The following KALRN variants were observed in gnomAD, a reference collection of about 807,000 sequenced individuals.
KALRN encodes the protein kalirin RhoGEF kinase, also known as kalirin.
A neutral mutation model predicts 353.7 loss-of-function variants in KALRN; 70 were observed. The observed-to-expected ratio is 0.20, with a 90% CI of 0.16 to 0.24. The LOEUF is 0.24. KALRN is among the 10% of genes least tolerant of loss of function. The pLI is 1.00. For synonymous variants in KALRN, 1,391 were observed against 1,434.8 expected (o/e 0.97, Z 0.69); for missense variants, 2,791 against 3,756.7 (o/e 0.74, Z 6.72).
rs539926530 is a variant in KALRN at position 124,713,236 on chromosome 3, A to G, written c.8276+101A>G. On this transcript the variant is annotated intron_variant, in intron 58 of 59. Coordinates refer to ENST00000682506, the MANE Select transcript of KALRN (RefSeq NM_001388419.1). ...ACAGTTACATTTTATACAAGGTCCT[A>G]TCATTTGCAAAGTGCTGCATATAAC... The G allele has an allele frequency of 1.4e-5, 14 of 992,928 alleles. No individual in the cohort carries two copies. The African/African-American group carries it at 2.1e-4, about 15-fold the overall frequency. The allele number at this position is 992,928 out of a possible 1,614,324, so 61.5% of individuals were successfully genotyped here. A position where few individuals can be genotyped will look rare whatever the true frequency, so the allele number is the denominator to read the frequency against.
At chr3:124,162,210 G>A (rs746998622) in intron 1 of KALRN, 1 of 152,134 alleles carries the variant, frequency 6.6e-6, no homozygotes, top group Non-Finnish European at 1.5e-5. Context: ...TGCTCCACAG[G>A]TTAGAAGACA....
chr3:124,482,744 T>G, intron 27 of KALRN, 64 bp from the exon 28 acceptor site: 1 of 1,084,270 alleles, frequency 9.2e-7, no homozygotes, highest in Non-Finnish European at 1.4e-6. Flanking sequence ...CTTTCTCCTC[T>G]CAGAGTTCAC....
intron 10 of KALRN, among the ~76,000 whole-genome samples, chr3:124,354,011 T>C (rs2083113407): frequency 6.6e-6 from 1 of 152,200 alleles, no homozygotes; most frequent in African/African-American, 2.4e-5. Context: ...TTATATCTTG[T>C]GGATAACTTC....
intron 25 of KALRN, among the ~76,000 whole-genome samples, chr3:124,465,683 G>A (rs190221488): frequency 6.6e-4 from 101 of 152,230 alleles, no homozygotes; most frequent in African/African-American, 2.4e-3. Context: ...AAAAATCAAA[G>A]GATGCTTTTT....
chr3:124,555,314 G>A (rs527750849), intron 33 of KALRN, among the ~76,000 whole-genome samples: 11 of 152,068 alleles, frequency 7.2e-5, no homozygotes, highest in African/African-American at 2.2e-4. Flanking sequence ...GGCGGATCAC[G>A]AGGTCAGGAG....
chr3:124,580,490 T>C (rs138774370), intron 34 of KALRN, among the ~76,000 whole-genome samples: 4 of 152,332 alleles, frequency 2.6e-5, no homozygotes, highest in East Asian at 3.9e-4. Flanking sequence ...AGCACCAATG[T>C]TTTAAAATCA....
At chr3:124,165,348 A>G (rs79048211) in intron 1 of KALRN, among the ~76,000 whole-genome samples, 5,094 of 151,980 alleles carry the variant, frequency 0.034, 258 homozygotes, top group African/African-American at 0.11. Flanking sequence ...TCAATATGCC[A>G]GTGTCTGCCC....
intron 1 of KALRN, among the ~76,000 whole-genome samples, chr3:124,157,493 C>T (rs568672152): frequency 1.3e-5 from 2 of 152,292 alleles, no homozygotes; most frequent in Admixed American, 1.3e-4. Flanking sequence ...CCATGAATCC[C>T]AATGGGAGTA....
In KALRN at chr3:124,132,408, G is replaced by T. The variant is rs760884875; in HGVS notation, c.74-95582G>T. The stretch of plus-strand genomic sequence containing the variant: ...GCCGGTGAGAACACTGATGGGAGGA[G>T]AAGAAACTTAGTGAGAGGGAGCCTC... On this transcript the variant is annotated intron_variant, in intron 1 of 59. Transcript: ENST00000682506. 3.3e-5 allele frequency among the ~76,000 whole-genome samples: 5 copies of T among 152,196 alleles called. No individual in the cohort carries two copies. The East Asian group carries it at 9.6e-4, about 29-fold the overall frequency.
At chr3:124,626,094 A>T (rs1382910598) in intron 34 of KALRN, among the ~76,000 whole-genome samples, 1 of 152,048 alleles carries the variant, frequency 6.6e-6, no homozygotes, top group African/African-American at 2.4e-5. Context: ...GAAAAAAAAA[A>T]TTAACATGAA....
chr3:124,387,948 C>T (rs1483599159), intron 11 of KALRN, among the ~76,000 whole-genome samples: 3 of 151,974 alleles, frequency 2.0e-5, no homozygotes, highest in Non-Finnish European at 2.9e-5. Context: ...TATGAGGTCC[C>T]CTTTAAGTGA....
At chr3:124,504,069 A>G (rs2064933195) in intron 33 of KALRN, among the ~76,000 whole-genome samples, 1 of 152,204 alleles carries the variant, frequency 6.6e-6, no homozygotes, top group African/African-American at 2.4e-5. Flanking sequence ...CTCTCGTGGT[A>G]CTCAGAGCAC....
At chr3:124,474,432 T>C (rs1219904087) in intron 25 of KALRN, among the ~76,000 whole-genome samples, 2 of 138,700 alleles carry the variant, frequency 1.4e-5, no homozygotes, top group Non-Finnish European at 3.0e-5. Flanking sequence ...TCTAGAAGTG[T>C]TCACTCCGAG....
Position 124,430,652 on chromosome 3 carries a change from C to T in KALRN, c.2710-4C>T. ...TCACCTGTGTGCTTGTCCCGATTCCCTAGGTTCTGGGATGGATCCGCAATG... is the reference window on the plus strand; with the variant it reads ...TCACCTGTGTGCTTGTCCCGATTCCTTAGGTTCTGGGATGGATCCGCAATG... On this transcript the variant is annotated splice_polypyrimidine_tract_variant and splice_region_variant and intron_variant, in intron 15 of 59. Coordinates refer to ENST00000682506, the MANE Select transcript of KALRN (RefSeq NM_001388419.1). 1 of 1,613,874 alleles carries T rather than the reference C, an allele frequency of 6.2e-7. No individual in the cohort carries two copies.
chr3:124,105,147 TA>T (rs1673751827), intron 1 of KALRN, among the ~76,000 whole-genome samples: 2 of 152,166 alleles, frequency 1.3e-5, no homozygotes, highest in Non-Finnish European at 2.9e-5. Flanking sequence ...ATGTAAAAGA[TA>T]ATGTCAGAGA....
chr3:124,626,351 A>G (rs950815777), intron 34 of KALRN, among the ~76,000 whole-genome samples: 28 of 152,218 alleles, frequency 1.8e-4, no homozygotes, highest in Non-Finnish European at 8.8e-5. Context: ...AAAGGCTTCA[A>G]CTATATCTGT....
chr3:124,711,390 G>T (rs566947588), intron 57 of KALRN, among the ~76,000 whole-genome samples: 5 of 152,264 alleles, frequency 3.3e-5, no homozygotes, highest in East Asian at 3.9e-4. Flanking sequence ...TGTCTTTTGA[G>T]CACAGAGCCA....
Position 124,185,297 on chromosome 3 carries a change from T to A in KALRN, c.74-42693T>A, listed in dbSNP as rs561114266. On this transcript the variant is annotated intron_variant, in intron 1 of 59. Coordinates refer to ENST00000682506, the MANE Select transcript of KALRN (RefSeq NM_001388419.1). ...TCCCAAATTGCTGGGATTACAGGCG[T>A]GAGCCACTGCACCTAACCTCTAACA... Among the ~76,000 whole-genome samples, 91 of 152,338 alleles carry A rather than the reference T, an allele frequency of 6.0e-4. 4 individuals carry two copies. The South Asian group carries it at 0.018, about 31-fold the overall frequency.
At chr3:124,233,634 G>T (rs571832306) in intron 2 of KALRN, among the ~76,000 whole-genome samples, 1 of 152,136 alleles carries the variant, frequency 6.6e-6, no homozygotes, top group Non-Finnish European at 1.5e-5. Flanking sequence ...CCCTCTATCT[G>T]TGTGGCTTCT....
Sources: allele counts gnomAD v4.1 joint callset (sites outside exome capture counted in the v4.1 genomes callset), GRCh38; gene constraint gnomAD v4.1.1; transcripts MANE v1.5; gene names NCBI Gene and HGNC (gene_info 2026-07-23, HGNC 2026-07-21).